Variants in CFAP299 observed in about 807,000 individuals in gnomAD.
CFAP299 encodes the protein cilia and flagella associated protein 299.
A neutral mutation model predicts 27.0 loss-of-function variants in CFAP299; 21 were observed. That is an observed-to-expected ratio of 0.78 (90% CI 0.55 to 1.12). The LOEUF (loss-of-function observed/expected upper bound fraction) is 1.12, where lower values mean the gene tolerates loss of function less well. Ranked by LOEUF, CFAP299 falls within the 50% of genes most tolerant of loss-of-function variation. CFAP299 has a pLI of 0.00. For synonymous variants in CFAP299, 104 were observed against 98.1 expected (o/e 1.06, Z -0.36); for missense variants, 310 against 276.6 (o/e 1.12, Z -0.86).
At chr4:80,882,152 A>C (rs1733736072) in intron 4 of CFAP299, among the ~76,000 whole-genome samples, 1 of 152,166 alleles carries the variant, frequency 6.6e-6, no homozygotes, top group Non-Finnish European at 1.5e-5. Context: ...AAGTTATAGA[A>C]GGAGAATAGA....
At chr4:80,692,338 A>G (rs1013759813) in intron 3 of CFAP299, among the ~76,000 whole-genome samples, 5 of 152,226 alleles carry the variant, frequency 3.3e-5, no homozygotes, top group African/African-American at 1.2e-4. Context: ...TACTGGTACC[A>G]AAACAGAGAT....
chr4:80,935,406 C>T (rs947780914), intron 4 of CFAP299, among the ~76,000 whole-genome samples: 2 of 151,902 alleles, frequency 1.3e-5, no homozygotes, highest in African/African-American at 4.8e-5. Flanking sequence ...AGAAGAAGGG[C>T]CACACACTGT....
In CFAP299 at chr4:80,430,073, T is replaced by C. The variant is rs370175632; in HGVS notation, c.242+67189T>C. On this transcript the variant is annotated intron_variant, in intron 2 of 5. Transcript: ENST00000358105. ...AAATCTAATAAGCATTTTATGACTATACAGTATTTTCCATTATATTTTATT... is the reference window on the plus strand; with the variant it reads ...AAATCTAATAAGCATTTTATGACTACACAGTATTTTCCATTATATTTTATT... 3.2e-4 allele frequency among the ~76,000 whole-genome samples: 48 copies of C among 152,316 alleles called. No homozygotes were observed. In the East Asian group the frequency reaches 8.7e-3, roughly 28 times the overall value.
chr4:80,933,620 T>C (rs1736742573), intron 4 of CFAP299, among the ~76,000 whole-genome samples: 1 of 152,136 alleles, frequency 6.6e-6, no homozygotes, highest in African/African-American at 2.4e-5. Flanking sequence ...TTCATCATTG[T>C]TTTCTAGTTT....
At chr4:80,331,353 G>T (rs187158533), upstream of CFAP299, among the ~76,000 whole-genome samples, 5 of 152,312 alleles carry the variant, frequency 3.3e-5, 1 homozygote, top group East Asian at 9.6e-4. Context: ...GGGAGCCAAA[G>T]AAGGTTTTTA....
intron 2 of CFAP299, among the ~76,000 whole-genome samples, chr4:80,569,764 CTT>C (rs1449579131): frequency 6.6e-6 from 1 of 151,832 alleles, no homozygotes; most frequent in African/African-American, 2.4e-5. Flanking sequence ...ATGTACAAGA[CTT>C]ATTAAGAACA....
At chr4:80,396,934 G>A (rs1725830939) in intron 2 of CFAP299, among the ~76,000 whole-genome samples, 2 of 152,140 alleles carry the variant, frequency 1.3e-5, no homozygotes, top group Admixed American at 1.3e-4. Flanking sequence ...TCTATTGATT[G>A]GAATAGTTTC....
chr4:80,832,593 C>A (rs1001174909), intron 3 of CFAP299, among the ~76,000 whole-genome samples: 3 of 151,884 alleles, frequency 2.0e-5, no homozygotes, highest in Admixed American at 6.6e-5. Flanking sequence ...CTTAATTTGG[C>A]TTTAATTTAA....
rs1726235565 is a variant in CFAP299, at chr4:80,402,946, C to A, written c.242+40062C>A. Among the ~76,000 whole-genome samples, 4 of 152,138 alleles carry A rather than the reference C, an allele frequency of 2.6e-5. No individual in the cohort carries two copies. The South Asian group carries it at 8.3e-4, about 31-fold the overall frequency. On this transcript the variant is annotated intron_variant, in intron 2 of 5. Transcript: ENST00000358105. ...AATGCAGGTTTGTCTTTATCAGAGTCTAAGTAGCCTGTTTAATTCACTCTA... is the reference window on the plus strand; with the variant it reads ...AATGCAGGTTTGTCTTTATCAGAGTATAAGTAGCCTGTTTAATTCACTCTA...
rs528741974 is a variant in CFAP299 at position 80,390,065 on chromosome 4, T to C, written c.242+27181T>C. Among the ~76,000 whole-genome samples the C allele has an allele frequency of 3.3e-5, 5 of 152,262 alleles. 1 individual carries two copies. The South Asian group carries it at 1.0e-3, about 32-fold the overall frequency. On this transcript the variant is annotated intron_variant, in intron 2 of 5. Transcript: ENST00000358105. ...TGTGATGTTTTGAAATACATATACA[T>C]TATGAAATGATTATTATAATCAAGC...
At chr4:80,350,382 A>C (rs1290626314) in intron 1 of CFAP299, among the ~76,000 whole-genome samples, 2 of 152,198 alleles carry the variant, frequency 1.3e-5, no homozygotes, top group Non-Finnish European at 2.9e-5. Context: ...CACATTATAA[A>C]GTAAACCAAA....
At chr4:80,939,625 T>A (rs1737092286) in intron 4 of CFAP299, among the ~76,000 whole-genome samples, 2 of 152,210 alleles carry the variant, frequency 1.3e-5, no homozygotes, top group Non-Finnish European at 2.9e-5. Flanking sequence ...TTTAAATAAT[T>A]TGTCACACAA....
intron 3 of CFAP299, among the ~76,000 whole-genome samples, chr4:80,635,694 C>G (rs1176453457): frequency 3.9e-5 from 6 of 152,136 alleles, no homozygotes; most frequent in Non-Finnish European, 1.5e-5. Context: ...TACATGATCA[C>G]TTACCTTTTC....
chr4:80,696,942 C>T (rs1483413214), intron 3 of CFAP299, among the ~76,000 whole-genome samples: 2 of 152,062 alleles, frequency 1.3e-5, no homozygotes, highest in Admixed American at 6.5e-5. Flanking sequence ...ATCATATTCT[C>T]TTGTCAATGA....
At chr4:80,356,784 A>G (rs921497042) in intron 1 of CFAP299, among the ~76,000 whole-genome samples, 1 of 152,078 alleles carries the variant, frequency 6.6e-6, no homozygotes, top group Non-Finnish European at 1.5e-5. Context: ...TCTGCAAATA[A>G]AGACAATTTG....
intron 3 of CFAP299, among the ~76,000 whole-genome samples, chr4:80,854,849 A>C (rs1339865289): frequency 2.0e-5 from 3 of 150,392 alleles, no homozygotes; most frequent in African/African-American, 7.4e-5. Flanking sequence ...AGAAAAGGAA[A>C]ATTGGGTTGA....
chr4:80,554,071 G>T (rs989293541), intron 2 of CFAP299, among the ~76,000 whole-genome samples: 1 of 151,880 alleles, frequency 6.6e-6, no homozygotes, highest in East Asian at 1.9e-4. Context: ...TTGCTCATTT[G>T]TATGTCCAGG....
chr4:80,378,737 G>C (rs971237875), intron 2 of CFAP299, among the ~76,000 whole-genome samples: 2 of 152,002 alleles, frequency 1.3e-5, no homozygotes, highest in African/African-American at 4.8e-5. Flanking sequence ...ATTTTTCACA[G>C]GTTTAACCAA....
intron 3 of CFAP299, among the ~76,000 whole-genome samples, chr4:80,834,964 T>C (rs1276043581): frequency 6.6e-6 from 1 of 152,204 alleles, no homozygotes; most frequent in Non-Finnish European, 1.5e-5. Context: ...AAAATCTTTA[T>C]TCCTTAAAGT....
Sources: gnomAD v4.1 joint callset for allele counts (sites outside exome capture counted in the v4.1 genomes callset) on GRCh38, gnomAD v4.1.1 for gene constraint, MANE v1.5 for transcripts, NCBI Gene and HGNC (gene_info 2026-07-23, HGNC 2026-07-21) for gene names.